Variants in LARGE1 observed in about 807,000 individuals in gnomAD.
LARGE1 encodes xylosyl- and glucuronyltransferase LARGE1.
LARGE1 carries 43 observed loss-of-function variants against 87.6 expected under a neutral mutation model. The observed-to-expected ratio is 0.49, with a 90% CI of 0.38 to 0.63. The LOEUF is 0.63. Ranked by LOEUF, LARGE1 falls within the 30% of genes least tolerant of loss-of-function variation. The pLI is 0.00. For missense variants in LARGE1, 802 were observed against 1,000.2 expected, an observed-to-expected ratio of 0.80 and a Z score of 2.67; for synonymous variants, 434 against 394.6, an observed-to-expected ratio of 1.10 and a Z score of -1.18.
chr22:33,286,795 C>T (rs1413725359), intron 12 of LARGE1, among the ~76,000 whole-genome samples: 1 of 152,180 alleles, frequency 6.6e-6, no homozygotes. Context: ...ATATAAGGAT[C>T]AAGTTACTAT....
intron 1 of LARGE1, among the ~76,000 whole-genome samples, chr22:33,835,749 G>A (rs893245033): frequency 6.6e-6 from 1 of 152,190 alleles, no homozygotes; most frequent in Non-Finnish European, 1.5e-5. Flanking sequence ...GGGAAATTGA[G>A]GCATACGGTT....
chr22:33,199,561 C>A (rs1924264905), intron 11 of LARGE1, among the ~76,000 whole-genome samples: 1 of 152,126 alleles, frequency 6.6e-6, no homozygotes. Flanking sequence ...AGTCCAGTTT[C>A]TTTCTTCTCC....
intron 1 of LARGE1, among the ~76,000 whole-genome samples, chr22:33,860,088 A>C (rs905341634): frequency 6.6e-6 from 1 of 152,158 alleles, no homozygotes; most frequent in Non-Finnish European, 1.5e-5. Context: ...CTGTCCACCC[A>C]AAAATAGTTA....
At chr22:33,159,935 T>TA (rs5845068), downstream of LARGE1, among the ~76,000 whole-genome samples, 135,650 of 144,118 alleles carry the variant, frequency 0.94, 63,893 homozygotes, top group East Asian at 0.97. Flanking sequence ...CTATTAGTGG[T>TA]AAAAAAAAAA....
chr22:33,910,453 T>G (rs1213287850), intron 1 of LARGE1, among the ~76,000 whole-genome samples: 1 of 152,180 alleles, frequency 6.6e-6, no homozygotes, highest in African/African-American at 2.4e-5. Flanking sequence ...TCCTAATCAC[T>G]AAGACCCAAA....
At chr22:33,769,000 TCTC>T (rs535972994) in intron 1 of LARGE1, among the ~76,000 whole-genome samples, 5 of 152,168 alleles carry the variant, frequency 3.3e-5, no homozygotes, top group Non-Finnish European at 5.9e-5. Flanking sequence ...GGCCACCCCT[TCTC>T]CTCTCTGCTC....
chr22:33,465,495 T>C (rs1231699766), intron 6 of LARGE1, among the ~76,000 whole-genome samples: 1 of 152,154 alleles, frequency 6.6e-6, no homozygotes, highest in African/African-American at 2.4e-5. Context: ...ATTTCACATA[T>C]ACCAACAAAA....
chr22:33,107,606 T>A, the LARGE1 span, among the ~76,000 whole-genome samples: 1 of 152,228 alleles, frequency 6.6e-6, no homozygotes, highest in Non-Finnish European at 1.5e-5. Flanking sequence ...GGCTCATGCC[T>A]GTAATCCCAG....
At chr22:33,900,674 T>C (rs78532329) in intron 1 of LARGE1, among the ~76,000 whole-genome samples, 8,076 of 152,220 alleles carry the variant, frequency 0.053, 248 homozygotes, top group East Asian at 0.12. Flanking sequence ...TCATTGGAAA[T>C]AGGGCCTTTA....
chr22:33,658,201 T>C (rs572749972), intron 2 of LARGE1, among the ~76,000 whole-genome samples: 30 of 152,242 alleles, frequency 2.0e-4, no homozygotes, highest in African/African-American at 7.2e-4. Context: ...TAGGAAACAA[T>C]ATGAATGTGC....
intron 4 of LARGE1, among the ~76,000 whole-genome samples, chr22:33,614,441 C>T (rs1312873863): frequency 6.6e-6 from 1 of 152,102 alleles, no homozygotes; most frequent in East Asian, 1.9e-4. Context: ...ATCACACAGC[C>T]CCTTGCTCAC....
At chr22:33,796,419 C>T (rs2085985499) in intron 1 of LARGE1, among the ~76,000 whole-genome samples, 1 of 152,172 alleles carries the variant, frequency 6.6e-6, no homozygotes, top group Non-Finnish European at 1.5e-5. Context: ...ACTGGGAGGA[C>T]ACCAGGCAAA....
chr22:33,208,398 GCAA>G (rs1212941907), intron 11 of LARGE1, among the ~76,000 whole-genome samples: 1 of 152,116 alleles, frequency 6.6e-6, no homozygotes, highest in Non-Finnish European at 1.5e-5. Context: ...GGGTTTCTTA[GCAA>G]TCAACAAGAT....
rs1025601185 is a variant in LARGE1 at position 33,777,733 on chromosome 22, T to G, written c.-82-16175A>C. On this transcript the variant is annotated intron_variant, in intron 1 of 14. Transcript: ENST00000397394. ...GGAAGGCAGGTGAAGGGAAGGCAGG[T>G]GAAGGGAGGGAGGAAGGAAGGACTA... 2.1e-3 allele frequency among the ~76,000 whole-genome samples: 300 copies of G among 145,642 alleles called. 2 individuals carry two copies. The highest frequency in any genetic ancestry group is 3.3e-3 in the Non-Finnish European group (214 of 65,734).
chr22:33,731,554 G>A (rs544223077), intron 2 of LARGE1, among the ~76,000 whole-genome samples: 2 of 152,254 alleles, frequency 1.3e-5, no homozygotes, highest in Admixed American at 6.5e-5. Context: ...TCCTGGGGCT[G>A]GGGGGAGGAA....
At chr22:33,238,960 G>A (rs1323277860) in intron 11 of LARGE1, among the ~76,000 whole-genome samples, 10 of 151,732 alleles carry the variant, frequency 6.6e-5, no homozygotes, top group Admixed American at 2.6e-4. Context: ...TAGAATGGAA[G>A]CAATAATAAA....
chr22:33,871,654 C>A (rs1360994025), intron 1 of LARGE1, among the ~76,000 whole-genome samples: 1 of 152,120 alleles, frequency 6.6e-6, no homozygotes, highest in African/African-American at 2.4e-5. Context: ...ACCTCCTTCC[C>A]CTGCACATAA....
At chr22:33,661,217 A>ATTTTTT (rs11356402) in intron 2 of LARGE1, among the ~76,000 whole-genome samples, 21 of 142,084 alleles carry the variant, frequency 1.5e-4, no homozygotes, top group African/African-American at 5.5e-4. Flanking sequence ...AGGTTCTATG[A>ATTTTTT]TTTTTTTTTT....
chr22:33,595,150 C>A (rs1413610663), intron 5 of LARGE1, among the ~76,000 whole-genome samples: 1 of 152,114 alleles, frequency 6.6e-6, no homozygotes, highest in Non-Finnish European at 1.5e-5. Flanking sequence ...GAAAGCACTT[C>A]TCTCTCTTTT....
Sources: allele counts gnomAD v4.1 joint callset (sites outside exome capture counted in the v4.1 genomes callset), GRCh38; gene constraint gnomAD v4.1.1; transcripts MANE v1.5; gene names NCBI Gene and HGNC (gene_info 2026-07-23, HGNC 2026-07-21).